Variants in FSTL4 observed in about 807,000 individuals in gnomAD.
The protein encoded by FSTL4 is follistatin-related protein 4.
FSTL4 carries 28 observed loss-of-function variants against 78.2 expected under a neutral mutation model. The ratio of observed to expected loss-of-function variants is 0.36; its 90% CI spans 0.27 to 0.49. FSTL4 has a LOEUF of 0.49. Ranked by LOEUF, FSTL4 falls within the 20% of genes least tolerant of loss-of-function variation. The probability of loss-of-function intolerance (pLI) is 0.98; values close to 1 mark genes in which losing one functional copy is unlikely to be tolerated. For missense variants in FSTL4, 922 were observed against 1,084.9 expected (o/e 0.85, Z 2.11); for synonymous variants, 422 against 440.5 (o/e 0.96, Z 0.53).
the FSTL4 span, among the ~76,000 whole-genome samples, chr5:133,773,964 T>C: frequency 3.9e-5 from 6 of 151,950 alleles, no homozygotes; most frequent in African/African-American, 1.5e-4. Context: ...TATGATGGAG[T>C]GCAGGTGGAA....
chr5:133,491,932 G>A (rs1758274521), intron 3 of FSTL4, among the ~76,000 whole-genome samples: 1 of 151,592 alleles, frequency 6.6e-6, no homozygotes, highest in Non-Finnish European at 1.5e-5. Context: ...TATTTTTATT[G>A]CTATATATTA....
At chr5:133,315,614 C>T (rs1452362342) in intron 5 of FSTL4, among the ~76,000 whole-genome samples, 3 of 152,146 alleles carry the variant, frequency 2.0e-5, no homozygotes, top group African/African-American at 4.8e-5. Flanking sequence ...AAGAAAAAGG[C>T]TGCCCACCGC....
rs187713842 is a variant in FSTL4 at position 133,450,723 on chromosome 5, A to G, written c.161-49737T>C. On this transcript the variant is annotated intron_variant, in intron 3 of 15. Coordinates refer to ENST00000265342, the MANE Select transcript of FSTL4 (RefSeq NM_015082.2). ...GTACTTTTCCCAGTTCGGCATCCCC[A>G]GGAAAACATCACACCTGTCATCTTG... 1.7e-3 allele frequency among the ~76,000 whole-genome samples: 265 copies of G among 152,348 alleles called. 2 individuals carry two copies. The highest frequency in any genetic ancestry group is 5.6e-4 in the Non-Finnish European group (38 of 68,030).
chr5:133,819,402 C>T, the FSTL4 span, among the ~76,000 whole-genome samples: 6 of 152,306 alleles, frequency 3.9e-5, no homozygotes, highest in Non-Finnish European at 7.3e-5. Context: ...CTCCACTCTG[C>T]TCAGTGGCTG....
chr5:133,312,908 T>C (rs963679812), intron 5 of FSTL4, 131 bp from the exon 6 acceptor site: 2 of 767,060 alleles, frequency 2.6e-6, no homozygotes, highest in African/African-American at 1.8e-5. Flanking sequence ...TGAAGCTCTT[T>C]GATTTTGTCT....
chr5:133,449,188 G>A (rs1446340569), intron 3 of FSTL4, among the ~76,000 whole-genome samples: 1 of 152,176 alleles, frequency 6.6e-6, no homozygotes, highest in Non-Finnish European at 1.5e-5. Flanking sequence ...CCATAGGCCT[G>A]GGGGGTAGGG....
chr5:133,734,026 A>C, the FSTL4 span, among the ~76,000 whole-genome samples: 1 of 152,274 alleles, frequency 6.6e-6, no homozygotes, highest in Non-Finnish European at 1.5e-5. Context: ...GAGAGAGCAC[A>C]AAGTGTAAAG....
At chr5:133,519,607 G>A (rs1192873215) in intron 3 of FSTL4, among the ~76,000 whole-genome samples, 1 of 152,162 alleles carries the variant, frequency 6.6e-6, no homozygotes. Flanking sequence ...CAGTAATGAT[G>A]GTGCCTGGGC....
At chr5:133,538,938 C>T (rs1211757441) in intron 3 of FSTL4, among the ~76,000 whole-genome samples, 1 of 152,116 alleles carries the variant, frequency 6.6e-6, no homozygotes, top group Non-Finnish European at 1.5e-5. Flanking sequence ...CGTGTGGCCT[C>T]AGAGCATCTC....
At chr5:133,579,729 T>A (rs2112956483) in intron 2 of FSTL4, among the ~76,000 whole-genome samples, 1 of 152,340 alleles carries the variant, frequency 6.6e-6, no homozygotes, top group Non-Finnish European at 1.5e-5. Context: ...AGATGAGGTT[T>A]AGAATAACCT....
At chr5:133,339,242 G>A (rs1754534185) in intron 4 of FSTL4, among the ~76,000 whole-genome samples, 1 of 152,194 alleles carries the variant, frequency 6.6e-6, no homozygotes, top group South Asian at 2.1e-4. Context: ...TGCAGCATCT[G>A]CTCAAGACAC....
At chr5:133,406,625 G>T (rs764709369) in intron 3 of FSTL4, among the ~76,000 whole-genome samples, 5 of 152,202 alleles carry the variant, frequency 3.3e-5, no homozygotes, top group African/African-American at 4.8e-5. Context: ...ATATTCAAGG[G>T]TTGGGATGAG....
At chr5:133,478,475 G>A (rs1274843350) in intron 3 of FSTL4, among the ~76,000 whole-genome samples, 1 of 152,162 alleles carries the variant, frequency 6.6e-6, no homozygotes, top group African/African-American at 2.4e-5. Flanking sequence ...TCAGGAGAGA[G>A]CCTTATTTTG....
chr5:133,604,507 G>T (rs1292133000), intron 1 of FSTL4, among the ~76,000 whole-genome samples: 1 of 152,134 alleles, frequency 6.6e-6, no homozygotes, highest in Non-Finnish European at 1.5e-5. Flanking sequence ...TCAGGAGTTT[G>T]AGACCAGTCT....
At chr5:133,821,690 G>A in the FSTL4 span, among the ~76,000 whole-genome samples, 1 of 152,148 alleles carries the variant, frequency 6.6e-6, no homozygotes, top group South Asian at 2.1e-4. Context: ...CGCAGGACTG[G>A]ATCCAACAGG....
the FSTL4 span, among the ~76,000 whole-genome samples, chr5:133,841,842 G>A: frequency 1.3e-5 from 2 of 152,056 alleles, no homozygotes; most frequent in Non-Finnish European, 2.9e-5. Context: ...GAGGTGGAAG[G>A]TGCAAAAAGA....
chr5:133,577,695 C>A, intron 2 of FSTL4, among the ~76,000 whole-genome samples: 1 of 152,094 alleles, frequency 6.6e-6, no homozygotes, highest in East Asian at 1.9e-4. Context: ...TTTGAGCCCA[C>A]GAGTTCGAGA....
chr5:133,542,008 T>C (rs1222197093), intron 3 of FSTL4, among the ~76,000 whole-genome samples: 1 of 151,984 alleles, frequency 6.6e-6, no homozygotes, highest in Non-Finnish European at 1.5e-5. Context: ...AAAACAAATG[T>C]ACCATTCTAG....
chr5:133,326,524 C>A (rs1561673321), intron 4 of FSTL4, among the ~76,000 whole-genome samples: 1 of 152,222 alleles, frequency 6.6e-6, no homozygotes, highest in Non-Finnish European at 1.5e-5. Flanking sequence ...AAACCACTGG[C>A]TACTCTAGCC....
Sources: gnomAD v4.1 joint callset for allele counts (sites outside exome capture counted in the v4.1 genomes callset) on GRCh38, gnomAD v4.1.1 for gene constraint, MANE v1.5 for transcripts, NCBI Gene and HGNC (gene_info 2026-07-23, HGNC 2026-07-21) for gene names.